The following PTPRD variants were observed in gnomAD, a reference collection of about 807,000 sequenced individuals.
The protein encoded by PTPRD is receptor-type tyrosine-protein phosphatase delta.
A neutral mutation model predicts 214.5 loss-of-function variants in PTPRD; 34 were observed. The ratio of observed to expected loss-of-function variants is 0.16; its 90% CI spans 0.12 to 0.21. The LOEUF (loss-of-function observed/expected upper bound fraction) is 0.21. PTPRD is among the 10% of genes least tolerant of loss of function. The probability of loss-of-function intolerance (pLI) is 1.00; values close to 1 mark genes in which losing one functional copy is unlikely to be tolerated. For missense variants in PTPRD, 2,545 were observed against 2,398.7 expected (o/e 1.06, Z -1.27); for synonymous variants, 1,128 against 845.7 (o/e 1.33, Z -5.79).
At chr9:8,492,614 CAAA>C (rs34457270) in intron 27 of PTPRD, among the ~76,000 whole-genome samples, 7,437 of 104,602 alleles carry the variant, frequency 0.071, 442 homozygotes, top group African/African-American at 0.19. Flanking sequence ...AGAAGGTGCT[CAAA>C]AAAAAAAAAA....
rs181619935 is a variant in PTPRD, at chr9:10,028,210, G to A, written c.-472+5508C>T. ...TTATCTGCTGCCATGTGAGACATGC[G>A]TTTCACCTTCTGCCATGATCGTGAG... On this transcript the variant is annotated intron_variant, in intron 4 of 45. Coordinates refer to ENST00000381196, the MANE Select transcript of PTPRD (RefSeq NM_002839.4). Among the ~76,000 whole-genome samples the A allele has an allele frequency of 2.7e-3, 405 of 152,222 alleles. 3 individuals are homozygous for A. Among genetic ancestry groups the A allele is most frequent in the Middle Eastern group, 0.014 (4 of 294 alleles).
chr9:9,816,505 G>C (rs1163660577), intron 5 of PTPRD, among the ~76,000 whole-genome samples: 1 of 151,784 alleles, frequency 6.6e-6, no homozygotes, highest in Admixed American at 6.6e-5. Context: ...TAATATATTT[G>C]AATATTTGAA....
At chr9:8,392,064 T>G (rs533464249) in intron 36 of PTPRD, among the ~76,000 whole-genome samples, 39 of 152,178 alleles carry the variant, frequency 2.6e-4, no homozygotes, top group African/African-American at 8.4e-4. Flanking sequence ...GCACCAGGAA[T>G]CAATACTATC....
chr9:9,890,359 C>G (rs1192531191), intron 5 of PTPRD, among the ~76,000 whole-genome samples: 1 of 151,736 alleles, frequency 6.6e-6, no homozygotes, highest in Non-Finnish European at 1.5e-5. Context: ...CCACGCCTGG[C>G]TATTTTTTTT....
At chr9:8,473,877 G>C (rs1419309053) in intron 30 of PTPRD, among the ~76,000 whole-genome samples, 1 of 152,200 alleles carries the variant, frequency 6.6e-6, no homozygotes, top group Non-Finnish European at 1.5e-5. Context: ...CTTCAAAGCA[G>C]CTCTTGCACA....
At chr9:8,634,492 C>A (rs1319684345) in intron 13 of PTPRD, among the ~76,000 whole-genome samples, 2 of 151,982 alleles carry the variant, frequency 1.3e-5, no homozygotes, top group African/African-American at 4.8e-5. Context: ...AGAGGAAGGA[C>A]ATTCATATTT....
chr9:9,270,795 C>T (rs1269356855), intron 9 of PTPRD, among the ~76,000 whole-genome samples: 1 of 151,230 alleles, frequency 6.6e-6, no homozygotes, highest in Non-Finnish European at 1.5e-5. Context: ...TCTAGCTAGG[C>T]AGCAGAAAAG....
chr9:10,596,345 C>A (rs909212207), intron 2 of PTPRD, among the ~76,000 whole-genome samples: 1 of 151,576 alleles, frequency 6.6e-6, no homozygotes, highest in Non-Finnish European at 1.5e-5. Flanking sequence ...ATATGTTATA[C>A]CCATATACAC....
intron 9 of PTPRD, among the ~76,000 whole-genome samples, chr9:9,238,571 G>A (rs931491869): frequency 6.6e-6 from 1 of 152,052 alleles, no homozygotes; most frequent in Non-Finnish European, 1.5e-5. Context: ...GTCTTGACTG[G>A]AGGACACAGT....
chr9:8,915,305 G>A (rs1443107020), intron 11 of PTPRD, among the ~76,000 whole-genome samples: 1 of 152,128 alleles, frequency 6.6e-6, no homozygotes, highest in Non-Finnish European at 1.5e-5. Flanking sequence ...CAGTGTCAAT[G>A]AAGGTCGAAG....
intron 11 of PTPRD, among the ~76,000 whole-genome samples, chr9:8,981,133 G>A (rs373837932): frequency 6.6e-6 from 1 of 151,684 alleles, no homozygotes; most frequent in East Asian, 1.9e-4. Flanking sequence ...TCTAATATTG[G>A]GGTTATTTGT....
chr9:9,133,877 A>G (rs1300811241), intron 10 of PTPRD, among the ~76,000 whole-genome samples: 1 of 152,102 alleles, frequency 6.6e-6, no homozygotes, highest in Non-Finnish European at 1.5e-5. Context: ...TACCCAGACC[A>G]CAACAGCACT....
At chr9:10,049,406 AAAAAGAAAG>A (rs2097480323) in intron 3 of PTPRD, among the ~76,000 whole-genome samples, 1 of 109,028 alleles carries the variant, frequency 9.2e-6, no homozygotes, top group Non-Finnish European at 1.8e-5. Context: ...GTTAAAAAAA[AAAAAGAAAG>A]AAAGAAAGAA....
chr9:10,255,282 G>A (rs1302404873), intron 3 of PTPRD, among the ~76,000 whole-genome samples: 3 of 152,036 alleles, frequency 2.0e-5, no homozygotes, highest in Non-Finnish European at 4.4e-5. Flanking sequence ...AAACCTAGAC[G>A]GTACAGCCTA....
At chr9:10,121,996 G>A (rs913473221) in intron 3 of PTPRD, among the ~76,000 whole-genome samples, 6 of 152,060 alleles carry the variant, frequency 3.9e-5, no homozygotes, top group Middle Eastern at 3.2e-3. Flanking sequence ...CAATAGCTTC[G>A]GGCTTTTATG....
At chr9:10,117,614 T>A (rs1010422618) in intron 3 of PTPRD, among the ~76,000 whole-genome samples, 1 of 15,136 alleles carries the variant, frequency 6.6e-5, no homozygotes, top group Admixed American at 5.0e-4. Context: ...ATCTCCCCGT[T>A]TTTTTTTTTT....
chr9:10,415,714 T>C (rs911916077), intron 2 of PTPRD, among the ~76,000 whole-genome samples: 1 of 151,774 alleles, frequency 6.6e-6, no homozygotes, highest in African/African-American at 2.4e-5. Flanking sequence ...AAGCAACATA[T>C]GTAAATCTTA....
At chr9:10,133,221 C>T (rs1029120660) in intron 3 of PTPRD, among the ~76,000 whole-genome samples, 4 of 152,014 alleles carry the variant, frequency 2.6e-5, no homozygotes, top group Non-Finnish European at 4.4e-5. Flanking sequence ...AGTATATGTC[C>T]AGGTGATACA....
chr9:8,496,173 C>A (rs996540686), intron 26 of PTPRD, among the ~76,000 whole-genome samples: 1 of 68,698 alleles, frequency 1.5e-5, no homozygotes, highest in South Asian at 3.5e-4. Context: ...AACTCTCCAA[C>A]ACACACACAC....
Sources: gnomAD v4.1 joint callset for allele counts (sites outside exome capture counted in the v4.1 genomes callset) on GRCh38, gnomAD v4.1.1 for gene constraint, MANE v1.5 for transcripts, NCBI Gene and HGNC (gene_info 2026-07-23, HGNC 2026-07-21) for gene names.